ZC3H3: variants seen among roughly 807,000 people sequenced by gnomAD.
The protein encoded by ZC3H3 is zinc finger CCCH-type containing 3, also known as zinc finger CCCH domain-containing protein 3.
ZC3H3 carries 36 observed loss-of-function variants against 77.3 expected under a neutral mutation model. The observed-to-expected ratio is 0.47, with a 90% confidence interval of 0.36 to 0.61. ZC3H3 has a LOEUF of 0.61. ZC3H3 is among the 20% of genes least tolerant of loss of function. The pLI is 0.00. For missense variants in ZC3H3, 1,331 were observed against 1,312.2 expected (o/e 1.01, Z -0.22); for synonymous variants, 626 against 555.2 (o/e 1.13, Z -1.79).
chr8:143,489,423 G>C (rs1821136914), intron 4 of ZC3H3, among the ~76,000 whole-genome samples: 1 of 152,166 alleles, frequency 6.6e-6, no homozygotes, highest in Non-Finnish European at 1.5e-5. Context: ...AACCTTTGGG[G>C]GGATGCGCCC....
intron 4 of ZC3H3, among the ~76,000 whole-genome samples, chr8:143,504,213 G>A (rs1586932830): frequency 6.6e-6 from 1 of 152,198 alleles, no homozygotes; most frequent in Non-Finnish European, 1.5e-5. Context: ...CGAAAGCTGA[G>A]AGGAACTGCA....
rs564239255 is a variant in ZC3H3, at chr8:143,470,799, A to G, written c.1904-2140T>C. ...TTCAAATGCTTTGCAGTGTTAAAAA[A>G]TGCACATAAAATAGCTGGCTGGAAA... is the stretch of plus-strand genomic sequence containing the variant. On this transcript the variant is annotated intron_variant, in intron 5 of 11. Transcript: ENST00000262577. Among the ~76,000 whole-genome samples the G allele has an allele frequency of 1.7e-4, 26 of 152,378 alleles. No individual in the cohort carries two copies. In the South Asian group the frequency reaches 5.4e-3, roughly 32 times the overall value.
intron 9 of ZC3H3, 55 bp from the exon 10 acceptor site, chr8:143,441,175 C>T (rs901168646): frequency 5.2e-6 from 7 of 1,352,398 alleles, no homozygotes; most frequent in Middle Eastern, 2.2e-4. Context: ...TGGCGCTGCA[C>T]GGGGAAGGCA....
chr8:143,526,029 C>T (rs2130481004), intron 3 of ZC3H3, among the ~76,000 whole-genome samples: 1 of 152,324 alleles, frequency 6.6e-6, no homozygotes, highest in East Asian at 1.9e-4. Context: ...TGTGGGGGGC[C>T]TGGAGAACCC....
chr8:143,512,322 G>A (rs1286581803), intron 3 of ZC3H3, among the ~76,000 whole-genome samples: 1 of 152,248 alleles, frequency 6.6e-6, no homozygotes, highest in Non-Finnish European at 1.5e-5. Flanking sequence ...TTTATCAACA[G>A]CTGCCCTGGC....
chr8:143,446,436 T>C (rs1819864819), intron 9 of ZC3H3, among the ~76,000 whole-genome samples: 1 of 152,238 alleles, frequency 6.6e-6, no homozygotes. Flanking sequence ...TGTATTTTTA[T>C]GTTTGTTTAT....
chr8:143,507,388 C>A (rs752582996), intron 4 of ZC3H3, among the ~76,000 whole-genome samples: 16 of 152,270 alleles, frequency 1.1e-4, no homozygotes, highest in Non-Finnish European at 2.1e-4. Context: ...AAGCTTCTCC[C>A]CGAGAGATGC....
chr8:143,459,994 C>T (rs1236020474), intron 9 of ZC3H3, among the ~76,000 whole-genome samples: 1 of 152,078 alleles, frequency 6.6e-6, no homozygotes, highest in Non-Finnish European at 1.5e-5. Context: ...CACCTATAAT[C>T]CCAGCACTTT....
rs539059056 is a variant in ZC3H3, at chr8:143,530,150, G to A, written c.1561+6107C>T. On this transcript the variant is annotated intron_variant, in intron 3 of 11. Coordinates refer to ENST00000262577, the MANE Select transcript of ZC3H3 (RefSeq NM_015117.3). This position sits in a 1 kb window ranked among gnomAD's most constrained non-coding sequence, Gnocchi z 4.3. ...AAAGCCTGGGCAGCCGGCAGGCCTCGACCCAGCCTGGTTGTCCACACGAGA... is the reference window on the plus strand; with the variant it reads ...AAAGCCTGGGCAGCCGGCAGGCCTCAACCCAGCCTGGTTGTCCACACGAGA... Among the ~76,000 whole-genome samples the A allele has an allele frequency of 9.9e-5, 15 of 152,218 alleles. No homozygotes were observed. Among genetic ancestry groups the A allele is most frequent in the Admixed American group, 3.9e-4 (6 of 15,302 alleles).
At chr8:143,456,065 T>C (rs1016044963) in intron 9 of ZC3H3, among the ~76,000 whole-genome samples, 1 of 150,878 alleles carries the variant, frequency 6.6e-6, no homozygotes, top group Non-Finnish European at 1.5e-5. Context: ...AATGATGGAA[T>C]TGGGTTCCAT....
At chr8:143,514,436 G>A (rs887219580) in intron 3 of ZC3H3, among the ~76,000 whole-genome samples, 2 of 152,326 alleles carry the variant, frequency 1.3e-5, no homozygotes, top group South Asian at 2.1e-4. Context: ...GCGTCCACTC[G>A]GTGTTACCAC....
At chr8:143,453,176 C>T (rs1006297690) in intron 9 of ZC3H3, among the ~76,000 whole-genome samples, 1 of 152,180 alleles carries the variant, frequency 6.6e-6, no homozygotes, top group Non-Finnish European at 1.5e-5. Context: ...CTCCAGGGCT[C>T]AAGCAATCCT....
At chr8:143,508,331 C>T (rs915528275) in intron 3 of ZC3H3, among the ~76,000 whole-genome samples, 5 of 152,170 alleles carry the variant, frequency 3.3e-5, no homozygotes, top group Non-Finnish European at 5.9e-5. Context: ...GCCAGAGGGG[C>T]GGGGCTGGGA....
At position 143,465,731 on chromosome 8, in the gene ZC3H3, G is replaced by A. The variant is rs759923849; in HGVS notation, c.2293C>T (p.Pro765Ser). Residue 765 changes from proline (P) to serine (S), a missense_variant, in exon 9 of 12, where the codon CCC (proline) becomes TCC (serine). This residue lies in a region of ZC3H3 where 104 missense variants were observed against 159.7 expected (regional missense o/e 0.65). Transcript: ENST00000262577. ...AGACCACTCACCTTTGCACCCAGGG[G>A]GCAGTAGCCTTTGAGGAAGTCGCTG... ...VCSDFLKGYCPLGAKCKKKHT... is the reference protein window; with the variant it reads ...VCSDFLKGYCSLGAKCKKKHT... 9 of 1,613,750 alleles carry A rather than the reference G, an allele frequency of 5.6e-6. No homozygotes were observed. Among genetic ancestry groups the A allele is most frequent in the East Asian group, 2.2e-5 (1 of 44,900 alleles).
intron 3 of ZC3H3, among the ~76,000 whole-genome samples, chr8:143,518,336 C>A (rs1213742014): frequency 6.6e-6 from 1 of 152,200 alleles, no homozygotes; most frequent in African/African-American, 2.4e-5. Context: ...CTGGGGCCAA[C>A]TGGCTGCCGG....
chr8:143,440,020 G>A (rs765647347), intron 11 of ZC3H3, 21 bp downstream of exon 11: 52 of 1,488,712 alleles, frequency 3.5e-5, no homozygotes, highest in African/African-American at 3.3e-4. Flanking sequence ...CTGGGGGCCC[G>A]AGCCAGGCCG....
intron 3 of ZC3H3, among the ~76,000 whole-genome samples, chr8:143,515,101 G>A (rs1586945544): frequency 2.0e-5 from 3 of 152,224 alleles, no homozygotes; most frequent in East Asian, 3.8e-4. Flanking sequence ...GCTGGGTTCC[G>A]AGAAACATGA....
chr8:143,486,891 C>T (rs1410638142), intron 4 of ZC3H3, among the ~76,000 whole-genome samples: 1 of 47,458 alleles, frequency 2.1e-5, no homozygotes, highest in African/African-American at 1.2e-4. Flanking sequence ...ACCCGCTACA[C>T]GGCCCCACCA....
At position 143,541,360 on chromosome 8, in the gene ZC3H3, C is replaced by G; in HGVS notation, c.46+16G>C. The G allele has an allele frequency of 1.2e-6, 2 of 1,608,178 alleles. No individual in the cohort carries two copies. The highest frequency in any genetic ancestry group is 1.7e-6 in the Non-Finnish European group (2 of 1,178,188). ...GGAAAGAAGGGGACTCGCGTCCCGG[C>G]CCCGGCCGGACCTACCCTGCAGTAG... is the stretch of plus-strand genomic sequence containing the variant. On this transcript the variant is annotated intron_variant, in intron 1 of 11. Transcript: ENST00000262577.
Sources: gnomAD v4.1 joint callset for allele counts (sites outside exome capture counted in the v4.1 genomes callset) on GRCh38, gnomAD v4.1.1 for gene constraint, gnomAD v4.1.1 regional missense constraint, Gnocchi (gnomAD v3.1) non-coding constraint, MANE v1.5 for transcripts, NCBI Gene and HGNC (gene_info 2026-07-23, HGNC 2026-07-21) for gene names.